Variants in SPIN1 observed in about 807,000 individuals in gnomAD.
SPIN1 encodes the protein spindlin 1, also known as spindlin-1.
Under a neutral mutation model 26.0 loss-of-function variants are expected in SPIN1, and 3 were observed. That is an observed-to-expected ratio of 0.12 (90% CI 0.05 to 0.30). The LOEUF (loss-of-function observed/expected upper bound fraction) is 0.30. Ranked by LOEUF, SPIN1 falls within the 10% of genes least tolerant of loss-of-function variation. The probability of loss-of-function intolerance (pLI) is 1.00; values close to 1 mark genes in which losing one functional copy is unlikely to be tolerated. For missense variants in SPIN1, 126 were observed against 333.4 expected (o/e 0.38, Z 4.84); for synonymous variants, 101 against 116.5 (o/e 0.87, Z 0.86).
chr9:88,442,604 C>T (rs1022893373), intron 2 of SPIN1, among the ~76,000 whole-genome samples: 2 of 151,840 alleles, frequency 1.3e-5, no homozygotes, highest in Non-Finnish European at 2.9e-5. Context: ...AGGTTGGTCT[C>T]AAACTCCTGA....
At position 88,433,901 on chromosome 9, in the gene SPIN1, G is replaced by GT. The variant is rs964990185; in HGVS notation, c.52+7321dup. Among the ~76,000 whole-genome samples the GT allele has an allele frequency of 8.6e-3, 1,249 of 146,062 alleles. 13 individuals are homozygous for GT. Among genetic ancestry groups the GT allele is most frequent in the African/African-American group, 0.028 (1,122 of 40,094 alleles). ...TCAAGGAAAACAAAACCAGTTTTTT[G>GT]TTTTTTTTTTTCTCATCAACGTTAT... On this transcript the variant is annotated intron_variant, in intron 2 of 5. Coordinates refer to ENST00000375859, the MANE Select transcript of SPIN1 (RefSeq NM_006717.3).
intron 2 of SPIN1, among the ~76,000 whole-genome samples, chr9:88,437,327 A>G (rs909822361): frequency 2.0e-5 from 3 of 151,588 alleles, no homozygotes; most frequent in South Asian, 2.1e-4. Context: ...GCAAAACCCT[A>G]TCTCTACAAA....
intron 1 of SPIN1, among the ~76,000 whole-genome samples, chr9:88,424,526 A>G (rs1413486755): frequency 6.6e-6 from 1 of 152,234 alleles, no homozygotes; most frequent in Non-Finnish European, 1.5e-5. Context: ...ACCATCCATG[A>G]AAATCTAAGC....
intron 1 of SPIN1, among the ~76,000 whole-genome samples, chr9:88,409,052 A>G (rs1005455204): frequency 6.5e-4 from 97 of 148,908 alleles, no homozygotes; most frequent in Admixed American, 9.4e-4. Flanking sequence ...CTGGAGTGCA[A>G]TGGCGTGATC....
At chr9:88,395,821 G>C (rs1266569142) in intron 1 of SPIN1, among the ~76,000 whole-genome samples, 2 of 151,804 alleles carry the variant, frequency 1.3e-5, no homozygotes, top group Non-Finnish European at 2.9e-5. Flanking sequence ...GGCTGAGGTG[G>C]GCCGATCATG....
chr9:88,454,357 T>C (rs1484513814), intron 3 of SPIN1, among the ~76,000 whole-genome samples: 2 of 152,248 alleles, frequency 1.3e-5, no homozygotes, highest in African/African-American at 4.8e-5. Context: ...TTTGGGATAT[T>C]CTTAGACTGA....
At chr9:88,400,922 A>G (rs1229367273) in intron 1 of SPIN1, among the ~76,000 whole-genome samples, 1 of 151,018 alleles carries the variant, frequency 6.6e-6, no homozygotes, top group East Asian at 1.9e-4. Flanking sequence ...CTGAGGTGGG[A>G]GGATCAGTTG....
At chr9:88,457,166 T>C (rs1044305944) in intron 3 of SPIN1, among the ~76,000 whole-genome samples, 2 of 149,224 alleles carry the variant, frequency 1.3e-5, no homozygotes, top group Admixed American at 6.6e-5. Context: ...TTTGCTTTGC[T>C]CTCTCTAGGT....
intron 1 of SPIN1, among the ~76,000 whole-genome samples, chr9:88,423,206 C>T (rs557601113): frequency 2.4e-4 from 37 of 152,290 alleles, no homozygotes; most frequent in African/African-American, 8.2e-4. Context: ...TAGGAGGGTA[C>T]ATACTTCAGA....
chr9:88,422,132 G>A (rs144802186), intron 1 of SPIN1, among the ~76,000 whole-genome samples: 177 of 152,106 alleles, frequency 1.2e-3, no homozygotes, highest in African/African-American at 4.0e-3. Flanking sequence ...TTTTGATACC[G>A]TACAATTATT....
At chr9:88,457,802 AAGAC>A (rs1196076137) in intron 3 of SPIN1, 352 of 974,476 alleles carry the variant, frequency 3.6e-4, no homozygotes, top group Middle Eastern at 5.3e-4. Context: ...TGTATCTAGA[AAGAC>A]AGAATATACA....
intron 5 of SPIN1, among the ~76,000 whole-genome samples, chr9:88,474,592 A>T (rs1191991819): frequency 6.6e-6 from 1 of 152,344 alleles, no homozygotes; most frequent in South Asian, 2.1e-4. Context: ...TAGGCATTTT[A>T]AATGTGTGCC....
rs188406443 is a variant in SPIN1, at chr9:88,414,737, G to A, written c.-158-11645G>A. Among the ~76,000 whole-genome samples, 243 of 152,266 alleles carry A rather than the reference G, an allele frequency of 1.6e-3. 1 individual carries two copies. Among genetic ancestry groups the A allele is most frequent in the Non-Finnish European group, 2.9e-3 (200 of 68,014 alleles). On this transcript the variant is annotated intron_variant, in intron 1 of 5. Transcript: ENST00000375859. ...ACTACTACTAATACTGTGGTTTGTT[G>A]CACGCATTCATGATAGAAGGAAGTG... is the stretch of plus-strand genomic sequence containing the variant.
chr9:88,406,604 A>G (rs950044172), intron 1 of SPIN1, among the ~76,000 whole-genome samples: 1 of 152,104 alleles, frequency 6.6e-6, no homozygotes, highest in African/African-American at 2.4e-5. Context: ...TATATACTAG[A>G]ATTTTAAAAA....
At chr9:88,436,582 A>G (rs1304237879) in intron 2 of SPIN1, among the ~76,000 whole-genome samples, 2 of 151,932 alleles carry the variant, frequency 1.3e-5, no homozygotes, top group East Asian at 1.9e-4. Flanking sequence ...TTGTTTTCCC[A>G]TTGTTCTTCT....
intron 1 of SPIN1, among the ~76,000 whole-genome samples, chr9:88,405,115 T>G (rs1450821480): frequency 6.6e-6 from 1 of 152,180 alleles, no homozygotes; most frequent in Non-Finnish European, 1.5e-5. Flanking sequence ...TAACTTTTTT[T>G]ATAAATAAGT....
intron 2 of SPIN1, among the ~76,000 whole-genome samples, chr9:88,427,133 C>T (rs1442402856): frequency 1.3e-5 from 2 of 152,004 alleles, no homozygotes; most frequent in African/African-American, 4.8e-5. Context: ...TATAGAATAC[C>T]CTATAAAATA....
At chr9:88,407,685 C>A in intron 1 of SPIN1, among the ~76,000 whole-genome samples, 1 of 149,694 alleles carries the variant, frequency 6.7e-6, no homozygotes, top group Non-Finnish European at 1.5e-5. Context: ...TGAATTGTAT[C>A]TTCAGTTTTC....
intron 2 of SPIN1, among the ~76,000 whole-genome samples, chr9:88,430,696 AC>A (rs1428851455): frequency 2.0e-5 from 3 of 152,088 alleles, no homozygotes; most frequent in Non-Finnish European, 2.9e-5. Flanking sequence ...AAAATAACTT[AC>A]GTTTATCTGT....
Sources: allele counts gnomAD v4.1 joint callset (sites outside exome capture counted in the v4.1 genomes callset), GRCh38; gene constraint gnomAD v4.1.1; transcripts MANE v1.5; gene names NCBI Gene and HGNC (gene_info 2026-07-23, HGNC 2026-07-21).